Variants in PERM1 observed in about 807,000 individuals in gnomAD.
The protein encoded by PERM1 is PGC-1 and ERR-induced regulator in muscle protein 1.
Under a neutral mutation model 44.1 loss-of-function variants are expected in PERM1, and 45 were observed. The observed-to-expected ratio is 1.02, with a 90% confidence interval of 0.80 to 1.31. The LOEUF is 1.31. Among genes scored for constraint, PERM1 ranks in the 50% most tolerant of loss-of-function variants. The pLI is 0.00. For synonymous variants in PERM1, 565 were observed against 477.1 expected (o/e 1.18, Z -2.40); for missense variants, 1,189 against 1,106.9 (o/e 1.07, Z -1.05).
chr1:980,186 T>A (rs1557660274), exon 1 of PERM1: 1 of 1,550,418 alleles, frequency 6.4e-7, no homozygotes, highest in Admixed American at 2.0e-5. Context: ...CAGACAGTCG[T>A]GGACACTGTG....
chr1:981,630 A>G (rs1004279308), upstream of PERM1, among the ~76,000 whole-genome samples: 1 of 152,214 alleles, frequency 6.6e-6, no homozygotes. Flanking sequence ...GGGCCAGGCT[A>G]TTCTCTGAGC....
At chr1:978,167 C>G (rs1643677498) in intron 1 of PERM1, among the ~76,000 whole-genome samples, 2 of 127,422 alleles carry the variant, frequency 1.6e-5, no homozygotes, top group Admixed American at 8.0e-5. Flanking sequence ...ACCCCAGGAA[C>G]CGCCTGCCCC....
At chr1:979,535 G>C (rs1048986401) in exon 1 of PERM1, 8 of 1,550,004 alleles carry the variant, frequency 5.2e-6, no homozygotes, top group Non-Finnish European at 7.0e-6. Context: ...TTCTTCCTGG[G>C]GACTTGGGTG....
chr1:979,724 G>T lies in PERM1; in HGVS notation c.1306C>A (p.Pro436Thr), dbSNP rs1332029715. 4 of 1,550,306 alleles carry T rather than the reference G, an allele frequency of 2.6e-6. No homozygotes were observed. The Admixed American group carries it at 7.8e-5, about 30-fold the overall frequency. ...AGCCCGCTGGACTCGGTCATCCTCG[G>T]CACAGCCTCCGAGACAGGTGGAGAT... The change falls in exon 1 of 3, where the codon CCG becomes ACG. Residue 436 changes from proline (P) to threonine (T), a missense_variant. Coordinates refer to ENST00000433179, the Ensembl canonical transcript of PERM1.
chr1:976,667 G>A lies in PERM1; in HGVS notation c.2150-43C>T. The A allele has an allele frequency of 1.3e-6, 2 of 1,546,980 alleles. 1 individual carries two copies. The highest frequency in any genetic ancestry group is 3.4e-4 in the Middle Eastern group (2 of 5,938). On this transcript the variant is annotated intron_variant, in intron 1 of 2. Transcript: ENST00000433179. Reference sequence around the variant, plus strand: ...CTTCAGCCCCACGGCTGCACTCAGAGATGGCCCCGCACACGCCCGCCCCGG... The same window carrying A: ...CTTCAGCCCCACGGCTGCACTCAGAAATGGCCCCGCACACGCCCGCCCCGG...
chr1:976,194 T>G lies in PERM1; in HGVS notation c.2351A>C (p.His784Pro), dbSNP rs1317828943. The change falls in exon 3 of 3, where the codon CAC (histidine) becomes CCC (proline). Residue 784 changes from histidine to proline, a missense_variant. Physicochemically the swap from His to Pro is moderately conservative, Grantham distance 77. Coordinates refer to ENST00000433179, the Ensembl canonical transcript of PERM1. ...CTCCTAGGAGCTGGGGCTGGGGCTG[T>G]GGCTGCGGCGCCCTTGCCCCACCTG... is the stretch of plus-strand genomic sequence containing the variant. 38 of 1,544,892 alleles carry G rather than the reference T, an allele frequency of 2.5e-5. No homozygotes were observed. In the East Asian group the frequency reaches 2.9e-4, roughly 12 times the overall value.
At chr1:978,774 T>A (rs945851953) in intron 1 of PERM1, 107 bp downstream of exon 2, 2 of 1,076,608 alleles carry the variant, frequency 1.9e-6, no homozygotes, top group African/African-American at 3.2e-5. Flanking sequence ...TGCTAGGGGA[T>A]GACCCAAGCC....
exon 1 of PERM1, chr1:979,815 G>A: frequency 6.5e-7 from 1 of 1,550,212 alleles, no homozygotes; most frequent in Non-Finnish European, 8.7e-7. Flanking sequence ...CATGTTTGGA[G>A]GCAGGTGTGG....
chr1:980,313 G>A (rs1404775939), exon 1 of PERM1: 3 of 1,550,200 alleles, frequency 1.9e-6, no homozygotes, highest in Non-Finnish European at 1.7e-6. Flanking sequence ...GGGACCTGGG[G>A]CCAGGCTCAG....
intron 2 of PERM1, 55 bp from the exon 4 acceptor site, chr1:976,324 G>C: frequency 6.8e-7 from 1 of 1,466,986 alleles, no homozygotes; most frequent in Admixed American, 2.6e-5. Context: ...GGCACCGTCT[G>C]CCCGCAAGAC....
At chr1:980,178 G>A in exon 1 of PERM1, 2 of 1,550,430 alleles carry the variant, frequency 1.3e-6, no homozygotes, top group Non-Finnish European at 1.7e-6. Context: ...GGGCTTCCCA[G>A]ACAGTCGTGG....
chr1:980,521 G>A, exon 1 of PERM1: 2 of 1,474,330 alleles, frequency 1.4e-6, no homozygotes, highest in Non-Finnish European at 9.0e-7. Context: ...AGGGCTATCG[G>A]GGGGCCTCTG....
chr1:978,385 C>G (rs1485690525), intron 1 of PERM1, among the ~76,000 whole-genome samples: 1 of 152,124 alleles, frequency 6.6e-6, no homozygotes, highest in Admixed American at 6.5e-5. Flanking sequence ...GAACCGCCTG[C>G]CCCGGGAACC....
At chr1:976,150 C>T (rs891363761) in exon 3 of PERM1, 1 of 1,544,814 alleles carries the variant, frequency 6.5e-7, no homozygotes, top group Non-Finnish European at 8.7e-7. Context: ...CATCCTGCAT[C>T]TCCCTGGCCC....
In PERM1 at chr1:979,703, C is replaced by A. The variant is rs374907201; in HGVS notation, c.1327G>T (p.Gly443Trp). ...CTGGGAACAGGTGTAGACACAAGCC[C>A]GCTGGACTCGGTCATCCTCGGCACA... The change falls in exon 1 of 3, where the codon GGG (glycine) becomes TGG (tryptophan). Residue 443 changes from glycine to tryptophan, a missense_variant. Physicochemically the swap from Gly to Trp is radical, Grantham distance 184 (BLOSUM62 -2). Around this residue, in one of 3 missense-constraint regions of PERM1, gnomAD observed 900 missense variants for 760.4 expected, o/e 1.18. Coordinates refer to ENST00000433179, the Ensembl canonical transcript of PERM1. 1.0e-5 allele frequency: 16 copies of A among 1,550,212 alleles called. No homozygotes were observed. The East Asian group carries it at 3.7e-4, about 36-fold the overall frequency.
At chr1:981,258 C>T (rs1643787117), upstream of PERM1, 2 of 1,420,778 alleles carry the variant, frequency 1.4e-6, no homozygotes, top group South Asian at 1.3e-5. Flanking sequence ...AGAAGATCCC[C>T]AGCTCCCATG....
At chr1:979,847 A>G (rs13303355) in exon 1 of PERM1, 1,490,546 of 1,550,318 alleles carry the variant, frequency 0.96, 718,118 homozygotes, top group East Asian at 1. Flanking sequence ...TCCGTGTCCA[A>G]TTGTGGCTTG....
chr1:981,606 C>T (rs549568086), upstream of PERM1, among the ~76,000 whole-genome samples: 5 of 152,374 alleles, frequency 3.3e-5, no homozygotes, highest in South Asian at 8.3e-4. Flanking sequence ...GATGACCTTC[C>T]GATCGCCTTG....
At chr1:980,437 G>A (rs950471196) in exon 1 of PERM1, 40 of 1,544,320 alleles carry the variant, frequency 2.6e-5, no homozygotes, top group Non-Finnish European at 3.0e-5. Context: ...AGAAGCAGAG[G>A]CTCCTGTGTG....
Sources: gnomAD v4.1 joint callset for allele counts (sites outside exome capture counted in the v4.1 genomes callset) on GRCh38, gnomAD v4.1.1 for gene constraint, gnomAD v4.1.1 regional missense constraint, MANE v1.5 for transcripts, NCBI Gene and HGNC (gene_info 2026-07-23, HGNC 2026-07-21) for gene names.